The following RGP1 variants were observed in gnomAD, a reference collection of about 807,000 sequenced individuals.
The protein encoded by RGP1 is RGP1 partner of RAB6A GEF complex, also known as RAB6A-GEF complex partner protein 2.
Under a neutral mutation model 44.5 loss-of-function variants are expected in RGP1, and 28 were observed. The ratio of observed to expected loss-of-function variants is 0.63; its 90% confidence interval spans 0.47 to 0.86. The LOEUF is 0.86. Among genes scored for constraint, RGP1 ranks in the 40% least tolerant of loss-of-function variants. RGP1 has a pLI of 0.00. For missense variants in RGP1, 417 were observed against 490.7 expected, an observed-to-expected ratio of 0.85 and a Z score of 1.42; for synonymous variants, 212 against 196.7, an observed-to-expected ratio of 1.08 and a Z score of -0.65.
rs763318371 is a variant in RGP1 at position 35,753,763 on chromosome 9, AG to A, written c.*894del. On this transcript the variant is annotated 3_prime_UTR_variant, in exon 9 of 9. Coordinates refer to ENST00000378078, the MANE Select transcript of RGP1 (RefSeq NM_001080496.3). This position sits in a 1 kb window ranked among gnomAD's most constrained non-coding sequence, Gnocchi z 4.2. ...GTAAAATATTTCCCCTCATAGTGAC[AG>A]GGGGCTAGGGAAGAACGGGAAATGT... 6.2e-7 allele frequency: 1 copy of A among 1,613,642 alleles called. No homozygotes were observed. Among genetic ancestry groups the A allele is most frequent in the South Asian group, 1.1e-5 (1 of 91,054 alleles).
chr9:35,758,808 A>ATT (rs796906645), downstream of RGP1, among the ~76,000 whole-genome samples: 1 of 146,166 alleles, frequency 6.8e-6, no homozygotes, highest in Non-Finnish European at 1.5e-5. Context: ...TGCTTCACTG[A>ATT]TTTTTTTTTT....
At chr9:35,765,347 T>TTTATCAA in the RGP1 span, among the ~76,000 whole-genome samples, 11 of 152,182 alleles carry the variant, frequency 7.2e-5, no homozygotes, top group Admixed American at 7.2e-4. Context: ...TGTAAGTGAA[T>TTTATCAA]GTTTTACTTG....
At position 35,753,786 on chromosome 9, in the gene RGP1, A is replaced by G. The variant is rs927929748; in HGVS notation, c.*912A>G. 87 of 1,608,248 alleles carry G rather than the reference A, an allele frequency of 5.4e-5. No individual in the cohort carries two copies. The highest frequency in any genetic ancestry group is 7.0e-5 in the Non-Finnish European group (82 of 1,174,844). On this transcript the variant is annotated 3_prime_UTR_variant, in exon 9 of 9. Transcript: ENST00000378078. The surrounding 1 kb of genome is among the most constrained non-coding windows in gnomAD (Gnocchi z 4.2). The stretch of plus-strand genomic sequence containing the variant: ...ACAGGGGGCTAGGGAAGAACGGGAA[A>G]TGTTAGTAGGTGTAGGAGTGCTGAT...
chr9:35,764,561 T>G, the RGP1 span, among the ~76,000 whole-genome samples: 8 of 152,314 alleles, frequency 5.3e-5, no homozygotes, highest in East Asian at 1.3e-3. Flanking sequence ...AATGTACAAT[T>G]CAGTGAGTTT....
At chr9:35,771,019 CATTA>C in the RGP1 span, among the ~76,000 whole-genome samples, 1 of 152,146 alleles carries the variant, frequency 6.6e-6, no homozygotes, top group African/African-American at 2.4e-5. Context: ...TGAAGCATCC[CATTA>C]ATTTTGTTGC....
At chr9:35,751,061 G>A (rs1588035275) in intron 5 of RGP1, 72 bp downstream of exon 5, 1 of 1,576,050 alleles carries the variant, frequency 6.3e-7, no homozygotes, top group Admixed American at 1.7e-5. Flanking sequence ...TAGAGGGCTT[G>A]CAAGAGGGAC....
downstream of RGP1, among the ~76,000 whole-genome samples, chr9:35,760,844 G>A (rs1827411112): frequency 6.6e-6 from 1 of 152,218 alleles, no homozygotes; most frequent in Non-Finnish European, 1.5e-5. Flanking sequence ...TTGGCCCCAT[G>A]ATGCCAACAC....
At chr9:35,789,329 C>CTTTTTTT in the RGP1 span, among the ~76,000 whole-genome samples, 2 of 137,674 alleles carry the variant, frequency 1.5e-5, no homozygotes, top group African/African-American at 2.7e-5. Flanking sequence ...CTTCCACTTC[C>CTTTTTTT]TTTTTTTTTT....
At chr9:35,750,510 A>T in intron 3 of RGP1, 131 bp downstream of exon 3, 1 of 1,326,472 alleles carries the variant, frequency 7.5e-7, no homozygotes. Context: ...GTTGGGGAGC[A>T]TGACTATTGC....
rs779627714 is a variant in RGP1 at position 35,754,129 on chromosome 9, T to C, written c.*1255T>C. The C allele has an allele frequency of 4.3e-6, 7 of 1,612,200 alleles. No individual in the cohort carries two copies. The highest frequency in any genetic ancestry group is 2.2e-5 in the East Asian group (1 of 44,866). ...CCAGCCCAGAGCATCCTTAGGGCCA[T>C]TGCTGCTGCACAGCCCTCTCAGACC... On this transcript the variant is annotated 3_prime_UTR_variant, in exon 9 of 9. Coordinates refer to ENST00000378078, the MANE Select transcript of RGP1 (RefSeq NM_001080496.3).
chr9:35,762,864 T>G (rs1429164710), downstream of RGP1, among the ~76,000 whole-genome samples: 1 of 150,682 alleles, frequency 6.6e-6, no homozygotes, highest in Non-Finnish European at 1.5e-5. Context: ...AGTTCTGCTG[T>G]TAAAAAAAAA....
chr9:35,764,746 G>A, the RGP1 span, among the ~76,000 whole-genome samples: 2 of 152,194 alleles, frequency 1.3e-5, no homozygotes, highest in Non-Finnish European at 2.9e-5. Flanking sequence ...AGAGTTTCAT[G>A]TAAATGGAGT....
chr9:35,783,373 T>C, the RGP1 span, among the ~76,000 whole-genome samples: 4 of 152,150 alleles, frequency 2.6e-5, no homozygotes, highest in Non-Finnish European at 4.4e-5. Context: ...ACAATAATAT[T>C]GTTAACCAAA....
chr9:35,782,590 C>A, the RGP1 span, among the ~76,000 whole-genome samples: 3 of 152,026 alleles, frequency 2.0e-5, no homozygotes, highest in African/African-American at 4.8e-5. Context: ...GGATCACAGG[C>A]GCGTGCCATC....
At chr9:35,766,147 T>TAAA in the RGP1 span, among the ~76,000 whole-genome samples, 27 of 125,104 alleles carry the variant, frequency 2.2e-4, no homozygotes, top group Admixed American at 1.7e-3. Flanking sequence ...GTCAGTTTCT[T>TAAA]AAAAAAAAAA....
chr9:35,776,434 T>G, the RGP1 span, among the ~76,000 whole-genome samples: 6 of 151,790 alleles, frequency 4.0e-5, no homozygotes, highest in African/African-American at 1.5e-4. Flanking sequence ...ATTACGGGCG[T>G]CTGCACCATG....
the RGP1 span, among the ~76,000 whole-genome samples, chr9:35,781,983 GTTTT>G: frequency 2.2e-5 from 2 of 90,648 alleles, no homozygotes; most frequent in Non-Finnish European, 4.5e-5. Context: ...TATTTCTCTC[GTTTT>G]TTTTTTTTTT....
At chr9:35,759,359 G>C (rs947424231), downstream of RGP1, among the ~76,000 whole-genome samples, 1 of 152,030 alleles carries the variant, frequency 6.6e-6, no homozygotes, top group East Asian at 1.9e-4. Flanking sequence ...GAGACCAGGA[G>C]TTTGAGACCA....
At chr9:35,783,442 G>A in the RGP1 span, among the ~76,000 whole-genome samples, 44 of 152,028 alleles carry the variant, frequency 2.9e-4, no homozygotes, top group African/African-American at 9.6e-4. Context: ...CTGTAACTTT[G>A]TTGGCCCACC....
Sources: gnomAD v4.1 joint callset for allele counts (sites outside exome capture counted in the v4.1 genomes callset) on GRCh38, gnomAD v4.1.1 for gene constraint, Gnocchi (gnomAD v3.1) non-coding constraint, MANE v1.5 for transcripts, NCBI Gene and HGNC (gene_info 2026-07-23, HGNC 2026-07-21) for gene names.